ZNF134: variants seen among roughly 807,000 people sequenced by gnomAD.
ZNF134 encodes zinc finger protein 134 (clone pHZ-15).
In ZNF134, 5 loss-of-function variants were observed where a neutral mutation model predicts 2.5. The ratio of observed to expected loss-of-function variants is 2.03; its 90% confidence interval spans 1.06 to 4.27. The LOEUF (loss-of-function observed/expected upper bound fraction) is 4.27, where lower values mean the gene tolerates loss of function less well. Ranked by LOEUF, ZNF134 falls within the 30% of genes most tolerant of loss-of-function variation. ZNF134 has a pLI of 0.00. For synonymous variants in ZNF134, 176 were observed against 176.2 expected, an observed-to-expected ratio of 1.00 and a Z score of 0.01; for missense variants, 540 against 517.5, an observed-to-expected ratio of 1.04 and a Z score of -0.42.
rs762064519 is a variant in ZNF134 at position 57,621,301 on chromosome 19, C to T, written c.1182C>T (p.His394=). ...TSHLVRHQRV[H]TGERPYECSE... ...ACCTTGTTCGACACCAAAGAGTTCA[C>T]ACTGGAGAAAGGCCATATGAGTGCA... is the stretch of plus-strand genomic sequence containing the variant. The change falls in exon 3 of 3, where the codon CAC becomes CAT. Residue 394 remains histidine, a synonymous_variant. Transcript: ENST00000396161. 6.8e-6 allele frequency: 11 copies of T among 1,613,920 alleles called. No homozygotes were observed. The highest frequency in any genetic ancestry group is 9.3e-6 in the Non-Finnish European group (11 of 1,180,010).
intron 1 of ZNF134, among the ~76,000 whole-genome samples, chr19:57,619,175 C>G (rs1329061157): frequency 6.6e-6 from 1 of 152,176 alleles, no homozygotes; most frequent in Admixed American, 6.5e-5. Context: ...ACACTCATGA[C>G]ACCTCTGGAC....
In ZNF134 at chr19:57,623,838, A is replaced by C. The variant is rs914649437; in HGVS notation, c.*2435A>C. On this transcript the variant is annotated 3_prime_UTR_variant, in exon 3 of 3. Coordinates refer to ENST00000396161, the MANE Select transcript of ZNF134 (RefSeq NM_003435.5). ...AATAATCTGCATAAACCTCTTTTCTAATGTTGTGAATTTCAGTGATGTACA... is the reference window on the plus strand; with the variant it reads ...AATAATCTGCATAAACCTCTTTTCTCATGTTGTGAATTTCAGTGATGTACA... 14 of 152,176 alleles carry C rather than the reference A, an allele frequency of 9.2e-5. No individual in the cohort carries two copies. Among genetic ancestry groups the C allele is most frequent in the African/African-American group, 3.4e-4 (14 of 41,452 alleles). The allele number at this position is 152,176 out of a possible 1,614,324, so 9.4% of individuals were successfully genotyped here.
rs1054374974 is a variant in ZNF134, at chr19:57,623,245, A to G, written c.*1842A>G. On this transcript the variant is annotated 3_prime_UTR_variant, in exon 3 of 3. Transcript: ENST00000396161. ...TGTCCATGGTATGTATGAACAGTCC[A>G]TTTTAAAATTACTGAGTCATATTCT... 2 of 152,202 alleles carry G rather than the reference A, an allele frequency of 1.3e-5. No individual in the cohort carries two copies. The highest frequency in any genetic ancestry group is 4.8e-5 in the African/African-American group (2 of 41,452). The allele number at this position is 152,202 out of a possible 1,614,324, so 9.4% of individuals were successfully genotyped here.
In ZNF134 at chr19:57,614,425, C is replaced by G. The variant is rs1272594772; in HGVS notation, c.-136C>G. On this transcript the variant is annotated 5_prime_UTR_variant, in exon 1 of 3. Coordinates refer to ENST00000396161, the MANE Select transcript of ZNF134 (RefSeq NM_003435.5). ...ACGGACGACCGCGGTGCCAGGGTCCCGCGACCTGGGACCCCCTCGCGGCTC... is the reference window on the plus strand; with the variant it reads ...ACGGACGACCGCGGTGCCAGGGTCCGGCGACCTGGGACCCCCTCGCGGCTC... 4.5e-6 allele frequency: 2 copies of G among 447,464 alleles called. No individual in the cohort carries two copies. The allele number at this position is 447,464 out of a possible 1,614,324, so 27.7% of individuals were successfully genotyped here. A position where few individuals can be genotyped will look rare whatever the true frequency, so the allele number is the denominator to read the frequency against.
In ZNF134 at chr19:57,620,043, C is replaced by G. The variant is rs1021817718; in HGVS notation, c.41-117C>G. 9 of 1,210,662 alleles carry G rather than the reference C, an allele frequency of 7.4e-6. No individual in the cohort carries two copies. The African/African-American group carries it at 9.1e-5, about 12-fold the overall frequency. 75.0% of individuals were successfully genotyped at this position (1,210,662 alleles called of 1,614,324 possible). On this transcript the variant is annotated intron_variant, in intron 2 of 2. Transcript: ENST00000396161. ...CCCTTTTTTCAACCTGATCCTAGCT[C>G]TGTTCCACCAGGAAACTTAGGTACT...
intron 1 of ZNF134, 103 bp downstream of exon 1, chr19:57,614,606 C>A: frequency 3.1e-6 from 1 of 326,268 alleles, no homozygotes; most frequent in Non-Finnish European, 6.0e-6. Flanking sequence ...GTGTCCAAGG[C>A]AGCGGGGCGC....
rs565591416 is a variant in ZNF134 at position 57,623,421 on chromosome 19, G to C, written c.*2018G>C. The C allele has an allele frequency of 6.6e-6, 1 of 152,232 alleles. No individual in the cohort carries two copies. The highest frequency in any genetic ancestry group is 1.9e-4 in the East Asian group (1 of 5,192). The allele number at this position is 152,232 out of a possible 1,614,324, so 9.4% of individuals were successfully genotyped here. The stretch of plus-strand genomic sequence containing the variant: ...ACATTTTTAAGCAGAGGTTTTGAAG[G>C]TGTGACCATATATCTTACTAATTAT... On this transcript the variant is annotated 3_prime_UTR_variant, in exon 3 of 3. Transcript: ENST00000396161.
At position 57,614,279 on chromosome 19, in the gene ZNF134, G is replaced by C. The variant is rs775237330; in HGVS notation, c.-282G>C. On this transcript the variant is annotated 5_prime_UTR_variant, in exon 1 of 3. Transcript: ENST00000396161. ...TTGTCGGCTCTTAGGTGGAACCATC[G>C]GAGCAGAAGCTCGGGGTTGCTGGGC... 6.0e-5 allele frequency: 27 copies of C among 448,266 alleles called. No individual in the cohort carries two copies. Among genetic ancestry groups the C allele is most frequent in the Non-Finnish European group, 7.6e-5 (17 of 223,392 alleles). 27.8% of individuals were successfully genotyped at this position (448,266 alleles called of 1,614,324 possible).
rs1981251365 is a variant in ZNF134 at position 57,622,379 on chromosome 19, C to CA, written c.*980dup. On this transcript the variant is annotated 3_prime_UTR_variant, in exon 3 of 3. Transcript: ENST00000396161. ...AGATCTAAAGCATCCAGTAGGGAAA[C>CA]AAAATTGATAAATATTGAGTGTGAG... 1 of 152,094 alleles carries CA rather than the reference C, an allele frequency of 6.6e-6. No homozygotes were observed. 9.4% of individuals were successfully genotyped at this position (152,094 alleles called of 1,614,324 possible). A position where few individuals can be genotyped will look rare whatever the true frequency, so the allele number is the denominator to read the frequency against.
At position 57,620,772 on chromosome 19, in the gene ZNF134, C is replaced by T. The variant is rs562644766; in HGVS notation, c.653C>T (p.Thr218Ile). 1.4e-5 allele frequency: 23 copies of T among 1,613,838 alleles called. No homozygotes were observed. In the East Asian group the frequency reaches 4.5e-4, roughly 31 times the overall value. The change falls in exon 3 of 3, where the codon ACA becomes ATA. Residue 218 changes from threonine to isoleucine, a missense_variant. Thr to Ile is a moderately conservative substitution (Grantham distance 89). Transcript: ENST00000396161. ...GGGAAAGCCTTCAGCCGCAAAGCTA[C>T]ACTTGTCCAGCATCAGAGAATCCAT... The part of the protein sequence containing the change: ...ECGKAFSRKA[T>I]LVQHQRIHTG...
intron 1 of ZNF134, among the ~76,000 whole-genome samples, chr19:57,616,131 G>A (rs1250165575): frequency 6.6e-6 from 1 of 152,140 alleles, no homozygotes; most frequent in Non-Finnish European, 1.5e-5. Context: ...CAGTGCATTG[G>A]TGCCTCAGTT....
Sources: allele counts gnomAD v4.1 joint callset (sites outside exome capture counted in the v4.1 genomes callset), GRCh38; gene constraint gnomAD v4.1.1; transcripts MANE v1.5; gene names NCBI Gene and HGNC (gene_info 2026-07-23, HGNC 2026-07-21).